PKP2: variants seen among roughly 807,000 people sequenced by gnomAD.
PKP2 encodes the protein plakophilin-2.
In PKP2, 73 loss-of-function variants were observed where a neutral mutation model predicts 83.4. The observed-to-expected ratio is 0.88, with a 90% CI of 0.72 to 1.06. The LOEUF is 1.06. Ranked by LOEUF, PKP2 falls within the 50% of genes least tolerant of loss-of-function variation. The pLI is 0.00. For synonymous variants in PKP2, 409 were observed against 430.4 expected, an observed-to-expected ratio of 0.95 and a Z score of 0.62; for missense variants, 966 against 1,065.4, an observed-to-expected ratio of 0.91 and a Z score of 1.30.
Position 32,806,954 on chromosome 12 carries a change from C to T in PKP2, c.2014-4398G>A, listed in dbSNP as rs573307516. 2.4e-4 allele frequency among the ~76,000 whole-genome samples: 37 copies of T among 152,210 alleles called. 1 individual carries two copies. In the South Asian group the frequency reaches 2.9e-3, roughly 12 times the overall value. ...AACTTCTTGACTTCTGCCTTAATTT[C>T]GTTATTTATCCACAAGTAATTCAGG... On this transcript the variant is annotated intron_variant, in intron 9 of 12. Transcript: ENST00000340811.
In PKP2 at chr12:32,802,563, T is replaced by C. The variant is rs1555141645; in HGVS notation, c.2014-7A>G. On this transcript the variant is annotated splice_polypyrimidine_tract_variant and splice_region_variant and intron_variant, in intron 9 of 12. Coordinates refer to ENST00000340811, the MANE Select transcript of PKP2 (RefSeq NM_001005242.3). Reference sequence around the variant, plus strand: ...GAGCCACTGATGTCGGCATCTGTTTTGTGAGACATATCCTATAAGTGCTAT... The same window carrying C: ...GAGCCACTGATGTCGGCATCTGTTTCGTGAGACATATCCTATAAGTGCTAT... 1.2e-6 allele frequency: 2 copies of C among 1,613,358 alleles called. No individual in the cohort carries two copies. Among genetic ancestry groups the C allele is most frequent in the Non-Finnish European group, 1.7e-6 (2 of 1,179,430 alleles).
At chr12:32,834,128 G>T (rs181079269) in intron 6 of PKP2, among the ~76,000 whole-genome samples, 1 of 152,304 alleles carries the variant, frequency 6.6e-6, no homozygotes, top group Admixed American at 6.5e-5. Flanking sequence ...CAAAGTTAGT[G>T]AAGCAACTTT....
intron 6 of PKP2, among the ~76,000 whole-genome samples, chr12:32,831,867 T>C (rs558387413): frequency 1.6e-4 from 25 of 152,186 alleles, no homozygotes; most frequent in Non-Finnish European, 2.9e-4. Flanking sequence ...CAGTGAGACA[T>C]GTACTCTTAA....
chr12:32,797,297 G>C (rs1956134833), intron 10 of PKP2, among the ~76,000 whole-genome samples: 1 of 151,430 alleles, frequency 6.6e-6, no homozygotes, highest in African/African-American at 2.4e-5. Flanking sequence ...AAAATTAGCT[G>C]GGCGTAGTGG....
At chr12:32,793,313 C>A (rs1215851007) in intron 11 of PKP2, among the ~76,000 whole-genome samples, 1 of 151,916 alleles carries the variant, frequency 6.6e-6, no homozygotes, top group Non-Finnish European at 1.5e-5. Flanking sequence ...AGGAATGTAT[C>A]TTTAGATATG....
At chr12:32,888,062 G>C (rs1217333516) in intron 1 of PKP2, among the ~76,000 whole-genome samples, 1 of 152,100 alleles carries the variant, frequency 6.6e-6, no homozygotes, top group African/African-American at 2.4e-5. Flanking sequence ...TACACCTGTA[G>C]TCCCAACTAC....
chr12:32,806,229 A>C (rs908827298), intron 9 of PKP2, among the ~76,000 whole-genome samples: 1 of 152,118 alleles, frequency 6.6e-6, no homozygotes, highest in African/African-American at 2.4e-5. Context: ...GGTCTCACAC[A>C]ATCAGTTAGG....
chr12:32,894,393 T>C (rs896987857), intron 1 of PKP2: 3 of 152,246 alleles, frequency 2.0e-5, no homozygotes, highest in South Asian at 2.1e-4. Context: ...GCGCCCGGCA[T>C]GAAGAACATA....
intron 9 of PKP2, among the ~76,000 whole-genome samples, chr12:32,803,320 C>T (rs1592729983): frequency 6.6e-6 from 1 of 152,132 alleles, no homozygotes; most frequent in South Asian, 2.1e-4. Context: ...TTGCAGAGAG[C>T]CAAGATCATG....
intron 6 of PKP2, among the ~76,000 whole-genome samples, chr12:32,834,204 C>T (rs545749548): frequency 7.2e-5 from 11 of 152,282 alleles, no homozygotes; most frequent in Admixed American, 3.9e-4. Flanking sequence ...GTTTCCTCCA[C>T]GAAACCCAGA....
intron 4 of PKP2, among the ~76,000 whole-genome samples, chr12:32,851,692 T>C (rs945032409): frequency 6.6e-6 from 1 of 152,124 alleles, no homozygotes; most frequent in Non-Finnish European, 1.5e-5. Context: ...ATGGTCTCGA[T>C]CTCCTGACCT....
Position 32,802,522 on chromosome 12 carries a change from T to G in PKP2, c.2048A>C (p.Lys683Thr), listed in dbSNP as rs1478626016. The change falls in exon 10 of 13, where the codon AAG (lysine) becomes ACG (threonine). Residue 683 changes from lysine (K) to threonine (T), a missense_variant. By Grantham distance (78) the Lys-to-Thr change is moderately conservative. Transcript: ENST00000340811. ...TCGGGTGTGCTGCAGGCCACTTTCC[T>G]TCTGGACAACTGTCTGAGCCACTGA... Reference protein sequence around the residue: ...PTSVAQTVVQKESGLQHTRKM... With the variant: ...PTSVAQTVVQTESGLQHTRKM... 6 of 1,614,070 alleles carry G rather than the reference T, an allele frequency of 3.7e-6. No individual in the cohort carries two copies.
At chr12:32,896,463 G>C (rs1366892061) in intron 1 of PKP2, 46 bp downstream of exon 1, 1 of 1,375,380 alleles carries the variant, frequency 7.3e-7, no homozygotes, top group African/African-American at 1.5e-5. Context: ...GAGGTGACCG[G>C]GTGTGGGGCA....
chr12:32,792,604 G>T, intron 12 of PKP2, 40 bp downstream of exon 12: 2 of 1,574,756 alleles, frequency 1.3e-6, no homozygotes, highest in East Asian at 2.2e-5. Context: ...TTATTACCTG[G>T]CTCTGTTAAC....
chr12:32,833,856 A>C (rs73090758), intron 6 of PKP2, among the ~76,000 whole-genome samples: 3,100 of 152,272 alleles, frequency 0.02, 47 homozygotes, highest in Non-Finnish European at 0.029. Flanking sequence ...CACAAAGCAG[A>C]CTGCACCTTT....
chr12:32,840,422 T>C (rs1336161437), intron 6 of PKP2, among the ~76,000 whole-genome samples: 1 of 152,144 alleles, frequency 6.6e-6, no homozygotes, highest in Non-Finnish European at 1.5e-5. Flanking sequence ...CCCAGCCTCC[T>C]GAGTAGGTGG....
chr12:32,871,865 T>C (rs567712021), intron 3 of PKP2, among the ~76,000 whole-genome samples: 11 of 152,314 alleles, frequency 7.2e-5, no homozygotes, highest in Admixed American at 6.5e-4. Flanking sequence ...TCAAATATCT[T>C]CATTTCTGTG....
rs558509348 is a variant in PKP2 at position 32,888,016 on chromosome 12, CA to C, written c.223+8492del. ...GCAAAAAGGCAAAACCCCATCTGTA[CA>C]AAAAAAATACAAAAATTAGCTGGGT... On this transcript the variant is annotated intron_variant, in intron 1 of 12. Coordinates refer to ENST00000340811, the MANE Select transcript of PKP2 (RefSeq NM_001005242.3). 7.3e-5 allele frequency among the ~76,000 whole-genome samples: 11 copies of C among 151,690 alleles called. No homozygotes were observed. In the East Asian group the frequency reaches 2.0e-3, roughly 27 times the overall value.
chr12:32,876,652 C>G (rs1169597649), intron 3 of PKP2, among the ~76,000 whole-genome samples: 1 of 152,112 alleles, frequency 6.6e-6, no homozygotes, highest in Non-Finnish European at 1.5e-5. Context: ...GCCTCAGCCT[C>G]TCGAGTAGTT....
Sources: gnomAD v4.1 joint callset for allele counts (sites outside exome capture counted in the v4.1 genomes callset) on GRCh38, gnomAD v4.1.1 for gene constraint, MANE v1.5 for transcripts, NCBI Gene and HGNC (gene_info 2026-07-23, HGNC 2026-07-21) for gene names.